The following FAM184A variants were observed in gnomAD, a reference collection of about 807,000 sequenced individuals.
FAM184A encodes the protein protein FAM184A.
Under a neutral mutation model 143.8 loss-of-function variants are expected in FAM184A, and 99 were observed. That is an observed-to-expected ratio of 0.69 (90% CI 0.58 to 0.81). FAM184A has a LOEUF of 0.81. Among genes scored for constraint, FAM184A ranks in the 40% least tolerant of loss-of-function variants. The probability of loss-of-function intolerance (pLI) is 0.00; values close to 1 mark genes in which losing one functional copy is unlikely to be tolerated. For synonymous variants in FAM184A, 427 were observed against 446.4 expected (o/e 0.96, Z 0.55); for missense variants, 1,217 against 1,310.5 (o/e 0.93, Z 1.10).
chr6:119,086,839 G>A (rs2114814584), intron 1 of FAM184A, among the ~76,000 whole-genome samples: 1 of 152,298 alleles, frequency 6.6e-6, no homozygotes, highest in East Asian at 1.9e-4. Context: ...AGACTAGTTA[G>A]CAGGCTATTG....
At position 118,975,098 on chromosome 6, in the gene FAM184A, A is replaced by G; in HGVS notation, c.2694T>C (p.Ser898=). The change falls in exon 13 of 18, where the codon AGT becomes AGC. Residue 898 remains serine (S), a synonymous_variant. Transcript: ENST00000338891. ...KEVQHLHENI[S]ALTKELEFKG... is the part of the protein sequence containing the mutation. ...TAAATTCCAGTTCTTTGGTTAGGGCACTTATATTCTCATGAAGGTGCTGAA... is the reference window on the plus strand; with the variant it reads ...TAAATTCCAGTTCTTTGGTTAGGGCGCTTATATTCTCATGAAGGTGCTGAA... The G allele has an allele frequency of 6.2e-7, 1 of 1,613,252 alleles. No homozygotes were observed. Among genetic ancestry groups the G allele is most frequent in the Non-Finnish European group, 8.5e-7 (1 of 1,179,560 alleles).
rs1554264562 is a variant in FAM184A at position 118,969,993 on chromosome 6, A to AAAATATATATATATATAT, written c.2916-3042_2916-3041insATATATATATATATATTT. Among the ~76,000 whole-genome samples, 39 of 24,376 alleles carry AAAATATATATATATATAT rather than the reference A, an allele frequency of 1.6e-3. 2 individuals carry two copies. The highest frequency in any genetic ancestry group is 5.2e-3 in the African/African-American group (36 of 6,954). The allele number at this position is 24,376 out of a possible 152,430, so 16.0% of individuals were successfully genotyped here. Reference sequence around the variant, plus strand: ...AAATTGTTTGGGTGTATATATATATAATATATATATATATATTTTTTTTTT... The same window carrying AAAATATATATATATATAT: ...AAATTGTTTGGGTGTATATATATATAAAATATATATATATATATATATATATATATATATTTTTTTTTT... On this transcript the variant is annotated intron_variant, in intron 14 of 17. Coordinates refer to ENST00000338891, the MANE Select transcript of FAM184A (RefSeq NM_024581.6).
chr6:119,147,414 G>T (rs547961072), intron 1 of FAM184A, among the ~76,000 whole-genome samples: 1 of 152,204 alleles, frequency 6.6e-6, no homozygotes, highest in Admixed American at 6.5e-5. Flanking sequence ...ACTCCTCATT[G>T]TTTGCTGACA....
intron 1 of FAM184A, among the ~76,000 whole-genome samples, chr6:119,123,287 C>G (rs1262761732): frequency 3.3e-5 from 5 of 150,664 alleles, no homozygotes; most frequent in Non-Finnish European, 7.4e-5. Context: ...TACTAGGGAG[C>G]CTGAGGCAGG....
chr6:118,963,598 C>T (rs1025984173), intron 16 of FAM184A: 2 of 151,794 alleles, frequency 1.3e-5, no homozygotes, highest in Admixed American at 6.6e-5. Context: ...AGAAGTTTTA[C>T]GAGCTGTGAA....
chr6:119,040,396 C>G (rs1786282341), intron 1 of FAM184A, among the ~76,000 whole-genome samples: 1 of 152,160 alleles, frequency 6.6e-6, no homozygotes, highest in Admixed American at 6.5e-5. Context: ...ATGGCTTTTC[C>G]TCTCTTTCCT....
chr6:119,055,465 C>T (rs767429398), intron 1 of FAM184A, among the ~76,000 whole-genome samples: 5 of 152,202 alleles, frequency 3.3e-5, no homozygotes, highest in Non-Finnish European at 5.9e-5. Flanking sequence ...AATTGCCAAA[C>T]TGTTTACCAA....
At chr6:119,148,758 T>C (rs1022076786) in intron 1 of FAM184A, among the ~76,000 whole-genome samples, 2 of 152,022 alleles carry the variant, frequency 1.3e-5, no homozygotes, top group Non-Finnish European at 2.9e-5. Context: ...CCTCAGAAAG[T>C]TGGCAAACTG....
chr6:118,987,256 A>G (rs1245340480), intron 9 of FAM184A, among the ~76,000 whole-genome samples: 1 of 152,196 alleles, frequency 6.6e-6, no homozygotes, highest in Non-Finnish European at 1.5e-5. Flanking sequence ...AATGGCATAG[A>G]GTTTCTGCCA....
intron 1 of FAM184A, among the ~76,000 whole-genome samples, chr6:119,139,475 G>A (rs1413411099): frequency 6.6e-6 from 1 of 152,146 alleles, no homozygotes. Flanking sequence ...AGGGATACTC[G>A]TGGGGAGAAA....
Position 119,117,192 on chromosome 6 carries a change from T to C in FAM184A, c.-202+31886A>G, listed in dbSNP as rs73518212. 2.2e-3 allele frequency among the ~76,000 whole-genome samples: 334 copies of C among 152,202 alleles called. 3 individuals are homozygous for C. Among genetic ancestry groups the C allele is most frequent in the African/African-American group, 7.7e-3 (319 of 41,522 alleles). ...TTTGGGAGACAAGTCTGTGGATCAT[T>C]TTGTGTGTAAGGGTGAGAGAGAGTG... On this transcript the variant is annotated intron_variant, in intron 1 of 16. Transcript: ENST00000352896.
intron 1 of FAM184A, among the ~76,000 whole-genome samples, chr6:119,089,190 A>G (rs1340313289): frequency 1.5e-5 from 2 of 135,214 alleles, no homozygotes; most frequent in Non-Finnish European, 3.2e-5. Context: ...CTCTCTCTTT[A>G]TTTATTTATT....
intron 9 of FAM184A, among the ~76,000 whole-genome samples, chr6:119,000,075 A>C (rs1784699339): frequency 6.6e-6 from 1 of 152,172 alleles, no homozygotes. Flanking sequence ...CAAACTGTAA[A>C]ATTCCATAGT....
Position 118,980,285 on chromosome 6 carries a change from C to G in FAM184A, c.2154G>C (p.Leu718=). Residue 718 remains leucine, a synonymous_variant, in exon 10 of 18, where the codon CTG becomes CTC. Coordinates refer to ENST00000338891, the MANE Select transcript of FAM184A (RefSeq NM_024581.6). ...LSQSQTSLQQ[L]QAQFTQERQR... ...GTCGTTCTTGCGTAAACTGGGCTTGCAGTTGTTGCAAAGAAGTCTGAGACT... is the reference window on the plus strand; with the variant it reads ...GTCGTTCTTGCGTAAACTGGGCTTGGAGTTGTTGCAAAGAAGTCTGAGACT... The G allele has an allele frequency of 2.5e-6, 4 of 1,614,094 alleles. No homozygotes were observed. Among genetic ancestry groups the G allele is most frequent in the Non-Finnish European group, 2.5e-6 (3 of 1,179,994 alleles).
At chr6:118,983,696 A>C (rs1784086799) in intron 9 of FAM184A, among the ~76,000 whole-genome samples, 2 of 152,160 alleles carry the variant, frequency 1.3e-5, no homozygotes, top group African/African-American at 4.8e-5. Flanking sequence ...TAGGTGCCAG[A>C]CATTTTAGAG....
Position 119,119,719 on chromosome 6 carries a change from C to A in FAM184A, c.-202+29359G>T, listed in dbSNP as rs1000215542. ...GGTGTCGTGGCTCATGCCTGTAAAC[C>A]CAGCACTTTGGGAGACAGAGGCAGG... On this transcript the variant is annotated intron_variant, in intron 1 of 16. Transcript: ENST00000352896. Among the ~76,000 whole-genome samples, 35 of 151,962 alleles carry A rather than the reference C, an allele frequency of 2.3e-4. 1 individual carries two copies. The highest frequency in any genetic ancestry group is 8.5e-4 in the African/African-American group (35 of 41,342).
intron 7 of FAM184A, 80 bp from the exon 8 acceptor site, chr6:119,003,702 G>T: frequency 7.4e-7 from 1 of 1,344,398 alleles, no homozygotes; most frequent in Non-Finnish European, 9.8e-7. Flanking sequence ...TAAAGTGCTT[G>T]TATTAAAACT....
chr6:119,046,975 C>G (rs1786559529), intron 1 of FAM184A, among the ~76,000 whole-genome samples: 1 of 152,020 alleles, frequency 6.6e-6, no homozygotes, highest in Non-Finnish European at 1.5e-5. Context: ...TTGCAAACTA[C>G]CCATCTGACA....
intron 9 of FAM184A, among the ~76,000 whole-genome samples, chr6:118,997,319 C>A: frequency 1.2e-5 from 1 of 86,402 alleles, no homozygotes; most frequent in African/African-American, 3.9e-5. Context: ...AGTGAAACTC[C>A]ATCTCAAAAA....
Sources: gnomAD v4.1 joint callset for allele counts (sites outside exome capture counted in the v4.1 genomes callset) on GRCh38, gnomAD v4.1.1 for gene constraint, MANE v1.5 for transcripts, NCBI Gene and HGNC (gene_info 2026-07-23, HGNC 2026-07-21) for gene names.